LHFPL6: variants seen among roughly 807,000 people sequenced by gnomAD.
LHFPL6 encodes LHFPL tetraspan subfamily member 6 protein.
In LHFPL6, 9 loss-of-function variants were observed where a neutral mutation model predicts 20.6. The ratio of observed to expected loss-of-function variants is 0.44; its 90% CI spans 0.26 to 0.76. The LOEUF (loss-of-function observed/expected upper bound fraction) is 0.76, where lower values mean the gene tolerates loss of function less well. Among genes scored for constraint, LHFPL6 ranks in the 30% least tolerant of loss-of-function variants. LHFPL6 has a pLI of 0.20. For missense variants in LHFPL6, 218 were observed against 253.5 expected, an observed-to-expected ratio of 0.86 and a Z score of 0.95; for synonymous variants, 105 against 98.7, an observed-to-expected ratio of 1.06 and a Z score of -0.38.
chr13:39,420,381 A>C (rs1325120853), intron 2 of LHFPL6, among the ~76,000 whole-genome samples: 1 of 152,180 alleles, frequency 6.6e-6, no homozygotes, highest in Admixed American at 6.5e-5. Context: ...TGCCAGCATC[A>C]TGGGGGAGAA....
intron 2 of LHFPL6, among the ~76,000 whole-genome samples, chr13:39,470,487 C>A (rs866264898): frequency 2.0e-5 from 3 of 152,034 alleles, no homozygotes; most frequent in African/African-American, 4.8e-5. Flanking sequence ...ATTATAAACA[C>A]AGACAAAAAA....
At chr13:39,582,551 C>G (rs1023381638) in intron 2 of LHFPL6, among the ~76,000 whole-genome samples, 2 of 152,212 alleles carry the variant, frequency 1.3e-5, no homozygotes, top group Non-Finnish European at 2.9e-5. Flanking sequence ...GGAATTTGAT[C>G]AGTAGCAAAA....
intron 2 of LHFPL6, among the ~76,000 whole-genome samples, chr13:39,467,450 A>G (rs986318663): frequency 6.6e-6 from 1 of 152,102 alleles, no homozygotes. Context: ...ATACCCTGAA[A>G]TATGGCCCTC....
chr13:39,435,733 G>C (rs1380220373), intron 2 of LHFPL6, among the ~76,000 whole-genome samples: 1 of 152,044 alleles, frequency 6.6e-6, no homozygotes, highest in Non-Finnish European at 1.5e-5. Flanking sequence ...AAGTTTTGGT[G>C]TGACATCAAA....
At chr13:39,394,001 C>T (rs1870775693) in intron 2 of LHFPL6, among the ~76,000 whole-genome samples, 1 of 152,126 alleles carries the variant, frequency 6.6e-6, no homozygotes, top group Admixed American at 6.6e-5. Flanking sequence ...AGTATAGTGG[C>T]CTGATCCTAG....
At chr13:39,540,854 C>T (rs953939407) in intron 2 of LHFPL6, among the ~76,000 whole-genome samples, 7 of 151,982 alleles carry the variant, frequency 4.6e-5, no homozygotes, top group Admixed American at 3.9e-4. Flanking sequence ...TACCAAAGAG[C>T]AAAAACAAAT....
At chr13:39,560,504 CTTTT>C (rs376446144) in intron 2 of LHFPL6, among the ~76,000 whole-genome samples, 18 of 118,174 alleles carry the variant, frequency 1.5e-4, no homozygotes, top group East Asian at 7.7e-4. Flanking sequence ...TGCAAATTCT[CTTTT>C]TTTTTTTTTT....
intron 2 of LHFPL6, among the ~76,000 whole-genome samples, chr13:39,530,247 CAAAAAAAAAAAAAAGTATTAA>C (rs1378945888): frequency 1.5e-4 from 15 of 102,172 alleles, no homozygotes; most frequent in Admixed American, 3.2e-4. Context: ...GACCTTGTTT[CAAAAAAAAAAAAAAGTATTAA>C]AAAAAAAAAG....
intron 2 of LHFPL6, among the ~76,000 whole-genome samples, chr13:39,425,395 T>C (rs1477038194): frequency 6.6e-6 from 1 of 152,232 alleles, no homozygotes; most frequent in Non-Finnish European, 1.5e-5. Flanking sequence ...AGTCTATGTA[T>C]ATATGGACAT....
At chr13:39,511,758 T>C (rs879154152) in intron 2 of LHFPL6, among the ~76,000 whole-genome samples, 43 of 152,242 alleles carry the variant, frequency 2.8e-4, no homozygotes, top group Admixed American at 2.7e-3. Flanking sequence ...ATACCTGCTA[T>C]GTATTTTTCT....
At chr13:39,592,650 C>A (rs933188538) in intron 2 of LHFPL6, among the ~76,000 whole-genome samples, 2 of 152,136 alleles carry the variant, frequency 1.3e-5, no homozygotes, top group Admixed American at 6.5e-5. Flanking sequence ...GATATCAAAG[C>A]CTGGCAGAGA....
chr13:39,364,370 A>C (rs1198454922), intron 3 of LHFPL6, among the ~76,000 whole-genome samples: 1 of 152,104 alleles, frequency 6.6e-6, no homozygotes, highest in Non-Finnish European at 1.5e-5. Context: ...CATCAGATCC[A>C]TCCAGGGTCC....
rs1870948565 is a variant in LHFPL6, at chr13:39,545,352, C to A, written c.385+55480G>T. On this transcript the variant is annotated intron_variant, in intron 2 of 3. Transcript: ENST00000379589. ...GTTGGTATTGGCTCTCTCACCACCTCCCTCCAGCCATACCATATTGTGTCC... is the reference window on the plus strand; with the variant it reads ...GTTGGTATTGGCTCTCTCACCACCTACCTCCAGCCATACCATATTGTGTCC... 2.6e-5 allele frequency among the ~76,000 whole-genome samples: 4 copies of A among 152,096 alleles called. No individual in the cohort carries two copies. The South Asian group carries it at 8.3e-4, about 32-fold the overall frequency.
intron 2 of LHFPL6, among the ~76,000 whole-genome samples, chr13:39,462,262 T>C (rs9603544): frequency 0.55 from 83,975 of 151,972 alleles, 24,388 homozygotes; most frequent in East Asian, 0.9. Flanking sequence ...AACACTCCCC[T>C]CTAAGGATTT....
At chr13:39,593,343 A>G (rs1180684585) in intron 2 of LHFPL6, among the ~76,000 whole-genome samples, 1 of 152,192 alleles carries the variant, frequency 6.6e-6, no homozygotes, top group African/African-American at 2.4e-5. Context: ...GAGCCAAATC[A>G]TGAGTGAACT....
intron 2 of LHFPL6, among the ~76,000 whole-genome samples, chr13:39,573,859 T>A (rs1872013931): frequency 6.6e-6 from 1 of 152,212 alleles, no homozygotes; most frequent in South Asian, 2.1e-4. Context: ...ATATTTTTCC[T>A]CTGTTTATTA....
chr13:39,375,544 A>T (rs1870268505), intron 3 of LHFPL6, among the ~76,000 whole-genome samples: 1 of 152,132 alleles, frequency 6.6e-6, no homozygotes. Context: ...TATAAAAATT[A>T]GCTGGGCCTG....
intron 2 of LHFPL6, among the ~76,000 whole-genome samples, chr13:39,474,658 A>T (rs1028366038): frequency 6.6e-6 from 1 of 152,230 alleles, no homozygotes; most frequent in Non-Finnish European, 1.5e-5. Context: ...GCAATGAACA[A>T]ATTATAAACA....
intron 2 of LHFPL6, among the ~76,000 whole-genome samples, chr13:39,425,648 A>G (rs1166370585): frequency 6.6e-6 from 1 of 152,172 alleles, no homozygotes; most frequent in Non-Finnish European, 1.5e-5. Flanking sequence ...AGCATCTTAT[A>G]TGCTTATTTG....
Sources: allele counts gnomAD v4.1 joint callset (sites outside exome capture counted in the v4.1 genomes callset), GRCh38; gene constraint gnomAD v4.1.1; transcripts MANE v1.5; gene names NCBI Gene and HGNC (gene_info 2026-07-23, HGNC 2026-07-21).